The following REPS2 variants were observed in gnomAD, a reference collection of about 807,000 sequenced individuals.
The protein encoded by REPS2 is ralBP1-associated Eps domain-containing protein 2.
A neutral mutation model predicts 53.6 loss-of-function variants in REPS2; 23 were observed. The ratio of observed to expected loss-of-function variants is 0.43; its 90% CI spans 0.31 to 0.61. REPS2 has a LOEUF of 0.61. REPS2 is among the 20% of genes least tolerant of loss of function. The pLI, the probability that REPS2 is intolerant of heterozygous loss-of-function variation, is 0.11. For synonymous variants in REPS2, 238 were observed against 218.6 expected (o/e 1.09, Z -0.78); for missense variants, 446 against 534.9 (o/e 0.83, Z 1.64).
At chrX:17,067,234 T>G (rs1476398134) in intron 9 of REPS2, among the ~76,000 whole-genome samples, 1 of 112,405 alleles carries the variant, frequency 8.9e-6, no homozygotes, top group Non-Finnish European at 1.9e-5. Context: ...CAAATGTGAA[T>G]ATATATTATT....
At chrX:17,017,281 C>T (rs1443922226) in intron 2 of REPS2, among the ~76,000 whole-genome samples, 1 of 112,029 alleles carries the variant, frequency 8.9e-6, no homozygotes, top group East Asian at 2.8e-4. Context: ...TCAATATATT[C>T]TTAAAAGTGG....
At chrX:17,105,014 G>A (rs944454864) in intron 14 of REPS2, among the ~76,000 whole-genome samples, 1 of 110,281 alleles carries the variant, frequency 9.1e-6, no homozygotes, top group Non-Finnish European at 1.9e-5. Flanking sequence ...GGTAGATACA[G>A]GTACTAATAT....
intron 14 of REPS2, 64 bp from the exon 15 acceptor site, chrX:17,133,760 T>C: frequency 1.0e-6 from 1 of 970,534 alleles, no homozygotes; most frequent in African/African-American, 1.9e-5. Context: ...CTAAGTGCTC[T>C]TTATTGTATA....
At chrX:17,133,570 C>T (rs1319440336) in intron 14 of REPS2, among the ~76,000 whole-genome samples, 1 of 111,735 alleles carries the variant, frequency 8.9e-6, no homozygotes, top group Non-Finnish European at 1.9e-5. Context: ...TTTAGCAATA[C>T]ATATGTTCAA....
chrX:17,154,081 G>A (rs2063593098), downstream of REPS2, among the ~76,000 whole-genome samples: 1 of 111,696 alleles, frequency 9.0e-6, no homozygotes, highest in African/African-American at 3.3e-5. Context: ...GTGGGACCCA[G>A]CAATCCCTGT....
intron 1 of REPS2, among the ~76,000 whole-genome samples, chrX:16,967,627 G>A (rs1335891481): frequency 4.5e-5 from 5 of 110,661 alleles, no homozygotes; most frequent in African/African-American, 1.6e-4. Flanking sequence ...TCACACCATT[G>A]TGCTCCAGCC....
intron 14 of REPS2, among the ~76,000 whole-genome samples, chrX:17,116,355 G>A (rs1307402730): frequency 1.8e-5 from 2 of 109,697 alleles, no homozygotes; most frequent in Non-Finnish European, 3.8e-5. Context: ...GACTACAGGC[G>A]CATGCCACCA....
chrX:17,047,413 G>A lies in REPS2; in HGVS notation c.838G>A (p.Glu280Lys). ...SYPDEPWRIT[E>K]EQREYYVNQF... ...CCCCGACGAACCCTGGAGGATAACA[G>A]AAGAACAGCGCGAGTACTATGTCAA... Residue 280 changes from glutamate (E) to lysine (K), a missense_variant, in exon 6 of 18, where the codon GAA becomes AAA. Transcript: ENST00000357277. 8.3e-7 allele frequency: 1 copy of A among 1,210,995 alleles called. No individual in the cohort carries two copies. Among genetic ancestry groups the A allele is most frequent in the Non-Finnish European group, 1.1e-6 (1 of 895,140 alleles).
chrX:17,074,014 A>G, intron 11 of REPS2, 100 bp from the exon 12 acceptor site: 1 of 643,877 alleles, frequency 1.6e-6, no homozygotes, highest in Non-Finnish European at 2.4e-6. Flanking sequence ...GGGCACTTTT[A>G]CCTCACATTT....
intron 13 of REPS2, chrX:17,100,364 C>T (rs1340798246): frequency 8.7e-5 from 41 of 469,963 alleles, no homozygotes; most frequent in Middle Eastern, 1.2e-3. Flanking sequence ...GCCCAGGAGC[C>T]GGAAAGGAAT....
intron 13 of REPS2, 119 bp from the exon 14 acceptor site, chrX:17,103,599 G>A (rs2062835387): frequency 1.6e-6 from 1 of 635,306 alleles, no homozygotes; most frequent in South Asian, 2.5e-5. Flanking sequence ...CAGAAGGACT[G>A]TAAAAACTTA....
intron 1 of REPS2, among the ~76,000 whole-genome samples, chrX:16,957,315 C>G (rs2060609057): frequency 9.1e-6 from 1 of 109,696 alleles, no homozygotes; most frequent in Admixed American, 9.8e-5. Flanking sequence ...TAGGCTGAGG[C>G]AGGAGAATTG....
At chrX:16,998,136 A>G (rs758145021) in intron 1 of REPS2, among the ~76,000 whole-genome samples, 24 of 111,705 alleles carry the variant, frequency 2.1e-4, no homozygotes, top group East Asian at 5.6e-4. Flanking sequence ...AGTCCCAGCT[A>G]TTTGCAGAGG....
the REPS2 span, among the ~76,000 whole-genome samples, chrX:17,187,832 C>T: frequency 8.9e-6 from 1 of 112,582 alleles, no homozygotes; most frequent in East Asian, 2.8e-4. Flanking sequence ...TTAAGATTTT[C>T]TCAAAATTGA....
chrX:17,100,722 A>G (rs1485580528), intron 13 of REPS2, among the ~76,000 whole-genome samples: 1 of 112,379 alleles, frequency 8.9e-6, no homozygotes, highest in Non-Finnish European at 1.9e-5. Context: ...TAACTAGGTA[A>G]GACTGGAAAA....
At chrX:17,100,235 T>C (rs1417035878) in intron 13 of REPS2, 9 of 578,485 alleles carry the variant, frequency 1.6e-5, no homozygotes, top group African/African-American at 1.3e-4. Context: ...CAATCGACGG[T>C]AGAGAACTTT....
At chrX:17,060,751 G>A (rs1316811701) in intron 8 of REPS2, among the ~76,000 whole-genome samples, 1 of 111,237 alleles carries the variant, frequency 9.0e-6, no homozygotes, top group Non-Finnish European at 1.9e-5. Flanking sequence ...AACCGGGGTA[G>A]AGAGGCTGGG....
chrX:17,071,881 T>G (rs1464843634), intron 11 of REPS2, among the ~76,000 whole-genome samples: 1 of 112,341 alleles, frequency 8.9e-6, no homozygotes, highest in Non-Finnish European at 1.9e-5. Flanking sequence ...CCACTTGTTG[T>G]AATTGCTGAG....
intron 13 of REPS2, among the ~76,000 whole-genome samples, chrX:17,102,028 TTTATGTTATGTTATG>T (rs778594430): frequency 5.1e-4 from 49 of 95,293 alleles, no homozygotes; most frequent in African/African-American, 1.1e-3. Context: ...TTTATTTTAT[TTTATGTTATGTTATG>T]TTATGTTATG....
Sources: gnomAD v4.1 joint callset for allele counts (sites outside exome capture counted in the v4.1 genomes callset) on GRCh38, gnomAD v4.1.1 for gene constraint, MANE v1.5 for transcripts, NCBI Gene and HGNC (gene_info 2026-07-23, HGNC 2026-07-21) for gene names.